The following MICAL2 variants were observed in gnomAD, a reference collection of about 807,000 sequenced individuals.
MICAL2 encodes microtubule associated monooxygenase, calponin and LIM domain containing 2.
Under a neutral mutation model 127.3 loss-of-function variants are expected in MICAL2, and 77 were observed. The ratio of observed to expected loss-of-function variants is 0.60; its 90% confidence interval spans 0.50 to 0.73. The LOEUF (loss-of-function observed/expected upper bound fraction) is 0.73. Ranked by LOEUF, MICAL2 falls within the 30% of genes least tolerant of loss-of-function variation. The pLI, the probability that MICAL2 is intolerant of heterozygous loss-of-function variation, is 0.00. For missense variants in MICAL2, 1,351 were observed against 1,434.4 expected (o/e 0.94, Z 0.94); for synonymous variants, 570 against 551.1 (o/e 1.03, Z -0.48).
At chr11:12,354,839 G>A (rs1439908721) in exon 34 of MICAL2, 21 of 1,614,030 alleles carry the variant, frequency 1.3e-5, no homozygotes, top group Non-Finnish European at 1.6e-5. Flanking sequence ...GAAACTGAGA[G>A]AGAAAATGCT....
intron 32 of MICAL2, chr11:12,349,718 G>A (rs1939015847): frequency 2.4e-6 from 2 of 847,686 alleles, no homozygotes; most frequent in Non-Finnish European, 3.8e-6. Flanking sequence ...GGGTGTCAGG[G>A]AGCTGCTGCC....
intron 4 of MICAL2, 32 bp from the exon 5 acceptor site, chr11:12,207,991 G>A: frequency 6.5e-7 from 1 of 1,538,330 alleles, no homozygotes; most frequent in East Asian, 2.2e-5. Flanking sequence ...AGGTATTGCT[G>A]TGACAGTTCC....
upstream of MICAL2, among the ~76,000 whole-genome samples, chr11:12,273,902 G>A (rs1254310715): frequency 2.6e-5 from 4 of 152,090 alleles, no homozygotes; most frequent in South Asian, 8.3e-4. Flanking sequence ...GGGGTAGTTT[G>A]GGAGTGGTGG....
downstream of MICAL2, chr11:12,293,983 T>A (rs1332440712): frequency 1.9e-6 from 3 of 1,614,098 alleles, no homozygotes; most frequent in Admixed American, 5.0e-5. Flanking sequence ...TAGTCCTCAC[T>A]CAGGAGCAGA....
chr11:12,330,228 C>G (rs905841349), intron 32 of MICAL2, among the ~76,000 whole-genome samples: 1 of 152,160 alleles, frequency 6.6e-6, no homozygotes, highest in Non-Finnish European at 1.5e-5. Flanking sequence ...ATATTCTATT[C>G]AGTCCCTTTA....
intron 3 of MICAL2, among the ~76,000 whole-genome samples, chr11:12,167,497 C>G (rs1296564721): frequency 3.3e-5 from 5 of 152,138 alleles, no homozygotes. Flanking sequence ...ACACCGGGAG[C>G]AAAGACTGCT....
At chr11:12,336,663 GGGT>G (rs1310562673) in intron 32 of MICAL2, among the ~76,000 whole-genome samples, 1 of 151,756 alleles carries the variant, frequency 6.6e-6, no homozygotes, top group African/African-American at 2.4e-5. Context: ...TTAGCATGAA[GGGT>G]TGTTGAATTT....
chr11:12,289,537 G>C (rs1175887370), downstream of MICAL2, among the ~76,000 whole-genome samples: 1 of 149,624 alleles, frequency 6.7e-6, no homozygotes, highest in Non-Finnish European at 1.5e-5. Flanking sequence ...TTTGTGTCCT[G>C]TGCCACTGGG....
downstream of MICAL2, among the ~76,000 whole-genome samples, chr11:12,296,658 C>T (rs1863989482): frequency 6.6e-6 from 1 of 151,650 alleles, no homozygotes. Context: ...TCCTCTTTCC[C>T]TTCCTTGTCC....
At chr11:12,181,900 A>G (rs137883305) in intron 3 of MICAL2, among the ~76,000 whole-genome samples, 1,821 of 152,324 alleles carry the variant, frequency 0.012, 34 homozygotes, top group African/African-American at 0.042. Context: ...ATTTTTACTA[A>G]CCTCTAACTG....
At chr11:12,241,266 G>A (rs1022679334) in intron 18 of MICAL2, 104 bp downstream of exon 18, 8 of 1,435,678 alleles carry the variant, frequency 5.6e-6, no homozygotes, top group South Asian at 1.4e-5. Context: ...AGGGCTGATT[G>A]TAGATTTTCT....
At chr11:12,139,497 G>A (rs775954224) in intron 2 of MICAL2, among the ~76,000 whole-genome samples, 3 of 152,182 alleles carry the variant, frequency 2.0e-5, no homozygotes, top group Non-Finnish European at 4.4e-5. Flanking sequence ...CGGAGGCTCC[G>A]GCGGAGGGGC....
chr11:12,146,315 A>T (rs1852899087), intron 2 of MICAL2, among the ~76,000 whole-genome samples: 1 of 152,238 alleles, frequency 6.6e-6, no homozygotes, highest in Admixed American at 6.5e-5. Context: ...CAATCTACTC[A>T]TCTGACAAAG....
chr11:12,350,556 T>C (rs1939028029), intron 33 of MICAL2, among the ~76,000 whole-genome samples: 1 of 152,182 alleles, frequency 6.6e-6, no homozygotes, highest in Non-Finnish European at 1.5e-5. Flanking sequence ...CTGTCTCGTT[T>C]CATTTTTGCC....
chr11:12,302,171 T>C (rs1864055020), intron 29 of MICAL2, among the ~76,000 whole-genome samples: 1 of 152,200 alleles, frequency 6.6e-6, no homozygotes, highest in South Asian at 2.1e-4. Flanking sequence ...AAATCACTTA[T>C]GTCGCGAGTC....
At chr11:12,294,075 C>T (rs1555018516), downstream of MICAL2, 15 of 1,614,106 alleles carry the variant, frequency 9.3e-6, no homozygotes, top group Admixed American at 1.7e-5. Context: ...CAGAAAAGTG[C>T]TGAGAATGGT....
At chr11:12,346,680 G>C (rs546509620) in intron 32 of MICAL2, among the ~76,000 whole-genome samples, 119 of 152,266 alleles carry the variant, frequency 7.8e-4, no homozygotes, top group African/African-American at 2.6e-3. Flanking sequence ...GTTCTCACAA[G>C]AGGCATGTTG....
chr11:12,176,263 C>G (rs1200165777), intron 3 of MICAL2, among the ~76,000 whole-genome samples: 2 of 152,134 alleles, frequency 1.3e-5, no homozygotes, highest in Non-Finnish European at 2.9e-5. Context: ...TCCTGAATAC[C>G]CATGACACTT....
chr11:12,280,968 G>C (rs2403612), exon 2 of MICAL2: 132,217 of 398,728 alleles, frequency 0.33, 24,697 homozygotes, highest in East Asian at 0.68. Flanking sequence ...GGCAGCGAGG[G>C]CTCCCACACA....
Sources: gnomAD v4.1 joint callset for allele counts (sites outside exome capture counted in the v4.1 genomes callset) on GRCh38, gnomAD v4.1.1 for gene constraint, MANE v1.5 for transcripts, NCBI Gene and HGNC (gene_info 2026-07-23, HGNC 2026-07-21) for gene names.